The following CTDSPL2 variants were observed in gnomAD, a reference collection of about 807,000 sequenced individuals.
CTDSPL2 encodes CTD small phosphatase-like protein 2.
In CTDSPL2, 5 loss-of-function variants were observed where a neutral mutation model predicts 60.0. The observed-to-expected ratio is 0.08, with a 90% CI of 0.04 to 0.18. The LOEUF (loss-of-function observed/expected upper bound fraction) is 0.18, where lower values mean the gene tolerates loss of function less well. Ranked by LOEUF, CTDSPL2 falls within the 10% of genes least tolerant of loss-of-function variation. The probability of loss-of-function intolerance (pLI) is 1.00; values close to 1 mark genes in which losing one functional copy is unlikely to be tolerated. For synonymous variants in CTDSPL2, 186 were observed against 189.3 expected, an observed-to-expected ratio of 0.98 and a Z score of 0.14; for missense variants, 370 against 548.8, an observed-to-expected ratio of 0.67 and a Z score of 3.26.
rs181657394 is a variant in CTDSPL2, at chr15:44,446,321, A to G, written c.-24-12670A>G. 4.4e-3 allele frequency among the ~76,000 whole-genome samples: 671 copies of G among 152,228 alleles called. 4 individuals carry two copies. Among genetic ancestry groups the G allele is most frequent in the African/African-American group, 0.015 (638 of 41,556 alleles). The stretch of plus-strand genomic sequence containing the variant: ...CCCATTCCAATGGACCATTCAGACA[A>G]AAGGCAGAAGTAAAAAACAAACCTG... On this transcript the variant is annotated intron_variant, in intron 1 of 12. Transcript: ENST00000260327.
At chr15:44,478,210 G>A (rs548543007) in intron 2 of CTDSPL2, among the ~76,000 whole-genome samples, 1 of 152,166 alleles carries the variant, frequency 6.6e-6, no homozygotes, top group South Asian at 2.1e-4. Flanking sequence ...ACTTTTGGGA[G>A]GCTGAGGCAG....
chr15:44,477,516 C>T (rs2080942314), intron 2 of CTDSPL2, among the ~76,000 whole-genome samples: 1 of 150,560 alleles, frequency 6.6e-6, no homozygotes, highest in African/African-American at 2.5e-5. Flanking sequence ...GCCTTGGTGA[C>T]AGGGCAAGAC....
Position 44,490,952 on chromosome 15 carries a change from TAGA to T in CTDSPL2, c.650_652del (p.Glu217del). 1 of 1,614,112 alleles carries T rather than the reference TAGA, an allele frequency of 6.2e-7. No homozygotes were observed. The highest frequency in any genetic ancestry group is 8.5e-7 in the Non-Finnish European group (1 of 1,179,992). ...GTGAGACCATCACTAAACAATGGTT[TAGA>T]AGAAGCAGAAGAAACAGTTAATCGT... On this transcript the variant is annotated inframe_deletion, in exon 5 of 13. Coordinates refer to ENST00000260327, the MANE Select transcript of CTDSPL2 (RefSeq NM_016396.3).
intron 1 of CTDSPL2, among the ~76,000 whole-genome samples, chr15:44,439,551 G>C (rs912094562): frequency 6.6e-6 from 1 of 151,280 alleles, no homozygotes; most frequent in Non-Finnish European, 1.5e-5. Context: ...TTTGGGGGGG[G>C]GGGAATATTT....
At chr15:44,487,874 A>G (rs113622213) in intron 4 of CTDSPL2, among the ~76,000 whole-genome samples, 7,136 of 152,180 alleles carry the variant, frequency 0.047, 325 homozygotes, top group East Asian at 0.23. Flanking sequence ...ACAGCACTTT[A>G]GGAGGCCGAG....
chr15:44,432,981 A>G (rs895522838), intron 1 of CTDSPL2, among the ~76,000 whole-genome samples: 10 of 152,024 alleles, frequency 6.6e-5, no homozygotes, highest in African/African-American at 2.4e-4. Flanking sequence ...AATGATCAAC[A>G]TGGGATTCTA....
intron 1 of CTDSPL2, among the ~76,000 whole-genome samples, chr15:44,441,835 C>T (rs1409071500): frequency 6.6e-6 from 1 of 152,134 alleles, no homozygotes; most frequent in Non-Finnish European, 1.5e-5. Flanking sequence ...GAATGAATCT[C>T]TAGGAAAAAC....
Position 44,475,099 on chromosome 15 carries a change from A to G in CTDSPL2, c.187-9125A>G, listed in dbSNP as rs558699554. Among the ~76,000 whole-genome samples the G allele has an allele frequency of 1.3e-4, 20 of 152,196 alleles. No individual in the cohort carries two copies. In the South Asian group the frequency reaches 4.2e-3, roughly 32 times the overall value. ...TGGTATCAAATAAATACATGTAGGC[A>G]AAATACCAAGTCCGGCCACATTAAT... On this transcript the variant is annotated intron_variant, in intron 2 of 12. Coordinates refer to ENST00000260327, the MANE Select transcript of CTDSPL2 (RefSeq NM_016396.3).
At chr15:44,442,005 G>A (rs765495601) in intron 1 of CTDSPL2, among the ~76,000 whole-genome samples, 11 of 152,126 alleles carry the variant, frequency 7.2e-5, no homozygotes, top group Non-Finnish European at 5.9e-5. Flanking sequence ...CCCAATTAGC[G>A]CTGGATTGCT....
chr15:44,467,806 C>T (rs146243263), intron 2 of CTDSPL2, among the ~76,000 whole-genome samples: 2,421 of 152,268 alleles, frequency 0.016, 86 homozygotes, highest in East Asian at 0.13. Context: ...AACTCCTGAC[C>T]TCAAGTGATC....
intron 2 of CTDSPL2, among the ~76,000 whole-genome samples, chr15:44,479,230 C>A (rs1051398983): frequency 2.0e-5 from 3 of 151,926 alleles, no homozygotes; most frequent in Non-Finnish European, 4.4e-5. Context: ...CTCAAAAGAA[C>A]AAAATTGTTC....
intron 1 of CTDSPL2, among the ~76,000 whole-genome samples, chr15:44,433,631 T>C (rs1385525983): frequency 6.6e-6 from 1 of 151,936 alleles, no homozygotes; most frequent in Non-Finnish European, 1.5e-5. Context: ...TACAGGTGTT[T>C]GCCACCACGC....
Position 44,525,800 on chromosome 15 carries a change from G to C in CTDSPL2, c.*1626G>C, listed in dbSNP as rs1441367541. 2.3e-5 allele frequency: 5 copies of C among 217,672 alleles called. No individual in the cohort carries two copies. Among genetic ancestry groups the C allele is most frequent in the African/African-American group, 1.1e-4 (5 of 44,076 alleles). 13.5% of individuals were successfully genotyped at this position (217,672 alleles called of 1,614,324 possible). ...GGCATGAGTTATGTCAATTTTCAGT[G>C]TATTAATGAAGATTTTAACTTTTCA... On this transcript the variant is annotated 3_prime_UTR_variant, in exon 13 of 13. Coordinates refer to ENST00000260327, the MANE Select transcript of CTDSPL2 (RefSeq NM_016396.3).
intron 5 of CTDSPL2, 55 bp downstream of exon 5, chr15:44,491,054 A>G: frequency 1.5e-6 from 2 of 1,349,916 alleles, no homozygotes; most frequent in Non-Finnish European, 2.1e-6. Flanking sequence ...AAAAAATAAC[A>G]GTATTTCATA....
At position 44,493,670 on chromosome 15, in the gene CTDSPL2, G is replaced by T. The variant is rs531889924; in HGVS notation, c.691+2671G>T. On this transcript the variant is annotated intron_variant, in intron 5 of 12. Transcript: ENST00000260327. ...AAAAATTAGCTGGGCATCGTGGCTT[G>T]CATACTATAGTCCCAGCTACTTGAA... Among the ~76,000 whole-genome samples the T allele has an allele frequency of 7.2e-5, 11 of 152,186 alleles. No homozygotes were observed. In the South Asian group the frequency reaches 2.3e-3, roughly 32 times the overall value.
In CTDSPL2 at chr15:44,524,152, A is replaced by G. The variant is rs1393273220; in HGVS notation, c.1379A>G (p.His460Arg). 1.2e-6 allele frequency: 2 copies of G among 1,613,820 alleles called. No individual in the cohort carries two copies. Among genetic ancestry groups the G allele is most frequent in the African/African-American group, 2.7e-5 (2 of 74,936 alleles). Residue 460 changes from histidine to arginine, a missense_variant, in exon 13 of 13, where the codon CAT (histidine) becomes CGT (arginine). This residue lies in a region of CTDSPL2 where 46 missense variants were observed against 126.0 expected (regional missense o/e 0.37). Coordinates refer to ENST00000260327, the MANE Select transcript of CTDSPL2 (RefSeq NM_016396.3). ...CACATCAGAGACAGATTTCGCTTGCATGATTTGCTGCCCCCAGATTAAGTA... is the reference window on the plus strand; with the variant it reads ...CACATCAGAGACAGATTTCGCTTGCGTGATTTGCTGCCCCCAGATTAAGTA... ...RPHIRDRFRL[H>R]DLLPPD
intron 2 of CTDSPL2, among the ~76,000 whole-genome samples, chr15:44,473,632 A>AG (rs2080856036): frequency 1.3e-5 from 2 of 152,120 alleles, no homozygotes; most frequent in South Asian, 4.1e-4. Flanking sequence ...TTATACTTTT[A>AG]GCTCTTTGAT....
intron 2 of CTDSPL2, among the ~76,000 whole-genome samples, chr15:44,465,217 C>A (rs1043596365): frequency 4.6e-5 from 7 of 152,128 alleles, no homozygotes; most frequent in Non-Finnish European, 7.4e-5. Context: ...TCGTGTGCAG[C>A]CTTTCTGCTT....
intron 2 of CTDSPL2, among the ~76,000 whole-genome samples, chr15:44,482,759 A>T (rs2081050867): frequency 6.6e-6 from 1 of 152,190 alleles, no homozygotes; most frequent in African/African-American, 2.4e-5. Context: ...GCAATATCCA[A>T]CTTGTAGAAA....
Sources: allele counts gnomAD v4.1 joint callset (sites outside exome capture counted in the v4.1 genomes callset), GRCh38; gene constraint gnomAD v4.1.1; regional missense constraint gnomAD v4.1.1; transcripts MANE v1.5; gene names NCBI Gene and HGNC (gene_info 2026-07-23, HGNC 2026-07-21).